Variants in PIGG observed in about 807,000 individuals in gnomAD.
PIGG encodes GPI ethanolamine phosphate transferase 2, catalytic subunit.
Under a neutral mutation model 83.2 loss-of-function variants are expected in PIGG, and 70 were observed. The ratio of observed to expected loss-of-function variants is 0.84; its 90% CI spans 0.69 to 1.03. The LOEUF (loss-of-function observed/expected upper bound fraction) is 1.03, where lower values mean the gene tolerates loss of function less well. Among genes scored for constraint, PIGG ranks in the 50% least tolerant of loss-of-function variants. PIGG has a pLI of 0.00. For synonymous variants in PIGG, 532 were observed against 519.5 expected, an observed-to-expected ratio of 1.02 and a Z score of -0.33; for missense variants, 1,257 against 1,233.6, an observed-to-expected ratio of 1.02 and a Z score of -0.28.
intron 6 of PIGG, among the ~76,000 whole-genome samples, chr4:518,133 C>A (rs540886805): frequency 6.6e-6 from 1 of 152,206 alleles, no homozygotes; most frequent in African/African-American, 2.4e-5. Flanking sequence ...CACCAGCTCT[C>A]ACCCTGTGAG....
chr4:500,282 T>G, intron 1 of PIGG, 114 bp from the exon 2 acceptor site: 8 of 754,912 alleles, frequency 1.1e-5, no homozygotes, highest in East Asian at 2.7e-5. Context: ...GGTTGGGTTA[T>G]GTAGATATCG....
At chr4:531,259 G>GATCCAGCCTC (rs1219899691) in intron 11 of PIGG, 1 of 169,332 alleles carries the variant, frequency 5.9e-6, no homozygotes, top group Non-Finnish European at 1.3e-5. Context: ...GCCTCAGAGG[G>GATCCAGCCTC]ATCCAGCCTC....
intron 9 of PIGG, chr4:525,928 T>C (rs1727468259): frequency 6.6e-6 from 1 of 152,198 alleles, no homozygotes; most frequent in Non-Finnish European, 1.5e-5. Context: ...AGCAGCCGGG[T>C]GTGTCAGGGA....
intron 5 of PIGG, among the ~76,000 whole-genome samples, chr4:511,954 A>G (rs1382908549): frequency 6.6e-6 from 1 of 152,156 alleles, no homozygotes; most frequent in Non-Finnish European, 1.5e-5. Context: ...TGAAAAGTCA[A>G]TTCTTAATCT....
At chr4:538,726 G>A (rs368025732) in intron 12 of PIGG, among the ~76,000 whole-genome samples, 3 of 152,242 alleles carry the variant, frequency 2.0e-5, no homozygotes, top group South Asian at 2.1e-4. Context: ...CTGTAGGGGG[G>A]GCTCCAGAGT....
chr4:506,862 G>A lies in PIGG; in HGVS notation c.571-543G>A, dbSNP rs782713694. 6.4e-5 allele frequency: 29 copies of A among 453,208 alleles called. 1 individual carries two copies. Among genetic ancestry groups the A allele is most frequent in the Admixed American group, 2.4e-4 (10 of 42,492 alleles). 28.1% of individuals were successfully genotyped at this position (453,208 alleles called of 1,614,324 possible). A position where few individuals can be genotyped will look rare whatever the true frequency, so the allele number is the denominator to read the frequency against. Reference sequence around the variant, plus strand: ...TCATCATCCTGCTGGTTACTTTAACGCTGGGTACTGTCCTGTCTTTAATTA... The same window carrying A: ...TCATCATCCTGCTGGTTACTTTAACACTGGGTACTGTCCTGTCTTTAATTA... On this transcript the variant is annotated intron_variant, in intron 3 of 12. Transcript: ENST00000453061.
At chr4:537,292 G>A (rs1442283468) in intron 12 of PIGG, 2 of 152,070 alleles carry the variant, frequency 1.3e-5, no homozygotes, top group Non-Finnish European at 2.9e-5. Flanking sequence ...TGGCACCCCG[G>A]GCTGCCTGCT....
At chr4:508,762 GTCT>G (rs1417258383) in intron 4 of PIGG, 64 bp from the exon 5 acceptor site, 5 of 1,468,306 alleles carry the variant, frequency 3.4e-6, no homozygotes, top group Middle Eastern at 3.7e-4. Flanking sequence ...ACCGAAAATT[GTCT>G]TCTTAAGATG....
chr4:505,937 T>C lies in PIGG; in HGVS notation c.570+10T>C. 6.4e-7 allele frequency: 1 copy of C among 1,574,126 alleles called. No individual in the cohort carries two copies. On this transcript the variant is annotated intron_variant, in intron 3 of 12. Coordinates refer to ENST00000453061, the MANE Select transcript of PIGG (RefSeq NM_001127178.3). ...GTCAGATTACACAGAGGTCAGTTTT[T>C]AAAATAAGAAAATATATCATACTAG...
rs565570205 is a variant in PIGG at position 518,462 on chromosome 4, A to G, written c.1114+2277A>G. ...CAAAAAATTAGTTGGGCATGGTGGCAGGCGCCTGTAGGCCCAGCTACTCGG... is the reference window on the plus strand; with the variant it reads ...CAAAAAATTAGTTGGGCATGGTGGCGGGCGCCTGTAGGCCCAGCTACTCGG... On this transcript the variant is annotated intron_variant, in intron 6 of 12. Coordinates refer to ENST00000453061, the MANE Select transcript of PIGG (RefSeq NM_001127178.3). Among the ~76,000 whole-genome samples, 18 of 152,164 alleles carry G rather than the reference A, an allele frequency of 1.2e-4. No homozygotes were observed. In the South Asian group the frequency reaches 1.5e-3, roughly 12 times the overall value.
Position 528,574 on chromosome 4 carries a change from T to C in PIGG, c.2261+1344T>C. The C allele has an allele frequency of 1.0e-6, 1 of 985,388 alleles. No homozygotes were observed. The allele number at this position is 985,388 out of a possible 1,614,324, so 61.0% of individuals were successfully genotyped here. ...CCGGGGCCTGGGGCAGAGAGGATGC[T>C]GACGTGCAGGTACCAGCGGTGTTCT... On this transcript the variant is annotated intron_variant, in intron 10 of 12. Coordinates refer to ENST00000453061, the MANE Select transcript of PIGG (RefSeq NM_001127178.3). This position sits in a 1 kb window ranked among gnomAD's most constrained non-coding sequence, Gnocchi z 4.8.
At chr4:513,182 T>C (rs1448334729) in intron 5 of PIGG, among the ~76,000 whole-genome samples, 2 of 152,212 alleles carry the variant, frequency 1.3e-5, no homozygotes, top group Non-Finnish European at 2.9e-5. Flanking sequence ...CTGTGAATGG[T>C]GGTAGTGGTG....
chr4:518,445 T>G (rs1724643525), intron 6 of PIGG, among the ~76,000 whole-genome samples: 1 of 151,970 alleles, frequency 6.6e-6, no homozygotes, highest in Non-Finnish European at 1.5e-5. Context: ...TACAAAAAAT[T>G]AGTTGGGCAT....
In PIGG at chr4:530,466, C is replaced by CT; in HGVS notation, c.2295dup (p.Val766CysfsTer14). 1 of 1,613,554 alleles carries CT rather than the reference C, an allele frequency of 6.2e-7. No homozygotes were observed. Among genetic ancestry groups the CT allele is most frequent in the Non-Finnish European group, 8.5e-7 (1 of 1,179,592 alleles). On this transcript the variant is annotated frameshift_variant, in exon 11 of 13. Transcript: ENST00000453061. LOFTEE classifies it high-confidence loss of function. Reference sequence around the variant, plus strand: ...TTATTGAAGCTCGTTTTGTTTATGTCTTTGTCCTTGGCATTCTGTTCACGG... The same window carrying CT: ...TTATTGAAGCTCGTTTTGTTTATGTCTTTTGTCCTTGGCATTCTGTTCACGG...
chr4:512,770 G>A (rs770949131), intron 5 of PIGG, among the ~76,000 whole-genome samples: 30 of 152,106 alleles, frequency 2.0e-4, no homozygotes, highest in Admixed American at 7.8e-4. Flanking sequence ...AGCCGAGATC[G>A]CACCACTGCA....
At chr4:522,410 G>C (rs918538074) in intron 8 of PIGG, 1 of 233,324 alleles carries the variant, frequency 4.3e-6, no homozygotes, top group African/African-American at 2.3e-5. Flanking sequence ...TGCCTCATCA[G>C]GTCCAGATTT....
At chr4:521,962 G>A (rs773379923) in intron 8 of PIGG, 21 bp downstream of exon 8, 1 of 1,612,598 alleles carries the variant, frequency 6.2e-7, no homozygotes, top group Admixed American at 1.7e-5. Flanking sequence ...CTGGTTCCTG[G>A]GAGTGTGACG....
Position 530,677 on chromosome 4 carries a change from CT to C in PIGG, c.2504del (p.Leu835ArgfsTer10). The C allele has an allele frequency of 6.2e-7, 1 of 1,613,842 alleles. No individual in the cohort carries two copies. Among genetic ancestry groups the C allele is most frequent in the Middle Eastern group, 1.6e-4 (1 of 6,062 alleles). ...TLMTKFIWKPLRHDAAEITVM... is the reference protein window; with the variant it reads ...TLMTKFIWKPXRHDAAEITVM... ...AATGACTAAATTCATCTGGAAGCCC[CT>C]GAGACACGATGCAGCTGAGATTACT... is the stretch of plus-strand genomic sequence containing the variant. On this transcript the variant is annotated frameshift_variant, in exon 11 of 13. Transcript: ENST00000453061. LOFTEE classifies it high-confidence loss of function.
Position 507,464 on chromosome 4 carries a change from A to G in PIGG, c.630A>G (p.Ile210Met). Residue 210 changes from isoleucine to methionine, a missense_variant, in exon 4 of 13, where the codon ATA becomes ATG. Ile to Met is a conservative substitution (Grantham distance 10). Transcript: ENST00000453061. ...TATTAAAAAGAGGAGATTGGGACAT[A>G]TTAATCCTCCACTACCTGGGGCTGG... Reference protein sequence around the residue: ...DKVLKRGDWDILILHYLGLDH... With the variant: ...DKVLKRGDWDMLILHYLGLDH... 2 of 1,613,974 alleles carry G rather than the reference A, an allele frequency of 1.2e-6. No individual in the cohort carries two copies. The highest frequency in any genetic ancestry group is 1.7e-6 in the Non-Finnish European group (2 of 1,179,820).
Sources: allele counts gnomAD v4.1 joint callset (sites outside exome capture counted in the v4.1 genomes callset), GRCh38; gene constraint gnomAD v4.1.1; non-coding constraint Gnocchi (gnomAD v3.1); transcripts MANE v1.5; gene names NCBI Gene and HGNC (gene_info 2026-07-23, HGNC 2026-07-21).